The following KCNQ4 variants were observed in gnomAD, a reference collection of about 807,000 sequenced individuals.
The protein encoded by KCNQ4 is potassium voltage-gated channel subfamily KQT member 4.
In KCNQ4, 31 loss-of-function variants were observed where a neutral mutation model predicts 72.6. The observed-to-expected ratio is 0.43, with a 90% CI of 0.32 to 0.58. The LOEUF is 0.58. Ranked by LOEUF, KCNQ4 falls within the 20% of genes least tolerant of loss-of-function variation. The pLI is 0.08. For missense variants in KCNQ4, 869 were observed against 962.6 expected (o/e 0.90, Z 1.29); for synonymous variants, 405 against 403.7 (o/e 1.00, Z -0.04).
In KCNQ4 at chr1:40,834,622, A is replaced by T. The variant is rs183256499; in HGVS notation, c.1614-345A>T. On this transcript the variant is annotated intron_variant, in intron 11 of 13. Transcript: ENST00000347132. ...AAAAAAAAAAAAAACAGAGTTATTGATGTGCCTGCCCCACAATGTCCCATT... is the reference window on the plus strand; with the variant it reads ...AAAAAAAAAAAAAACAGAGTTATTGTTGTGCCTGCCCCACAATGTCCCATT... 2.2e-3 allele frequency among the ~76,000 whole-genome samples: 337 copies of T among 151,492 alleles called. 3 individuals are homozygous for T. Among genetic ancestry groups the T allele is most frequent in the Admixed American group, 0.019 (288 of 15,228 alleles).
Position 40,804,817 on chromosome 1 carries a change from C to G in KCNQ4, c.315-12448C>G, listed in dbSNP as rs556445622. 4.5e-5 allele frequency: 4 copies of G among 88,960 alleles called. No individual in the cohort carries two copies. In the South Asian group the frequency reaches 1.6e-3, roughly 36 times the overall value. 5.5% of individuals were successfully genotyped at this position (88,960 alleles called of 1,614,324 possible). A position where few individuals can be genotyped will look rare whatever the true frequency, so the allele number is the denominator to read the frequency against. On this transcript the variant is annotated intron_variant, in intron 1 of 13. Transcript: ENST00000347132. The stretch of plus-strand genomic sequence containing the variant: ...TGGGTAACAGAGTGAGACCCTGTCT[C>G]AAAAAAAAAAAAAAAAAAAAGTCAC...
intron 1 of KCNQ4, among the ~76,000 whole-genome samples, chr1:40,792,785 T>G (rs1647309583): frequency 2.0e-5 from 3 of 152,068 alleles, no homozygotes; most frequent in Admixed American, 1.3e-4. Flanking sequence ...CCCTATATGC[T>G]TTTTATCCTA....
chr1:40,815,346 C>G (rs913304590), intron 1 of KCNQ4, among the ~76,000 whole-genome samples: 1 of 151,964 alleles, frequency 6.6e-6, no homozygotes, highest in Non-Finnish European at 1.5e-5. Flanking sequence ...AGCTGAGAAA[C>G]GGGACTGGAG....
chr1:40,822,816 T>A (rs1648345650), intron 8 of KCNQ4, among the ~76,000 whole-genome samples: 1 of 152,194 alleles, frequency 6.6e-6, no homozygotes, highest in African/African-American at 2.4e-5. Context: ...GTTCCAGACT[T>A]AGGTGCATGC....
At chr1:40,820,928 A>T (rs1339085621) in intron 7 of KCNQ4, among the ~76,000 whole-genome samples, 1 of 151,606 alleles carries the variant, frequency 6.6e-6, no homozygotes, top group East Asian at 1.9e-4. Flanking sequence ...GTGTAAGGGA[A>T]CTCCTTGCAG....
At chr1:40,787,512 A>G (rs1256839297) in intron 1 of KCNQ4, among the ~76,000 whole-genome samples, 1 of 152,162 alleles carries the variant, frequency 6.6e-6, no homozygotes, top group Non-Finnish European at 1.5e-5. Flanking sequence ...TCTGGCTCCA[A>G]AAGGTGGGAG....
chr1:40,818,755 G>A (rs2148318628), intron 4 of KCNQ4, 75 bp downstream of exon 4: 3 of 1,495,756 alleles, frequency 2.0e-6, no homozygotes, highest in Non-Finnish European at 2.7e-6. Flanking sequence ...GGCGGAGAGG[G>A]CGAGGTCAGA....
At chr1:40,823,609 G>A (rs1455963561) in intron 8 of KCNQ4, among the ~76,000 whole-genome samples, 2 of 152,184 alleles carry the variant, frequency 1.3e-5, no homozygotes, top group African/African-American at 4.8e-5. Context: ...AAAATGGCCT[G>A]GAGAGTTAGG....
chr1:40,805,474 T>G (rs1182429022), intron 1 of KCNQ4, among the ~76,000 whole-genome samples: 1 of 152,126 alleles, frequency 6.6e-6, no homozygotes. Flanking sequence ...ACTCCTTTCC[T>G]GGTAGTTCTG....
chr1:40,807,855 G>A (rs1050824714), intron 1 of KCNQ4, among the ~76,000 whole-genome samples: 2 of 152,192 alleles, frequency 1.3e-5, no homozygotes, highest in African/African-American at 4.8e-5. Flanking sequence ...TGGTCTAGGG[G>A]GCAAGGAAAG....
intron 1 of KCNQ4, among the ~76,000 whole-genome samples, chr1:40,808,695 C>G (rs865987848): frequency 6.6e-6 from 1 of 152,200 alleles, no homozygotes; most frequent in Non-Finnish European, 1.5e-5. Context: ...ACACCAGCTC[C>G]TCCCTGGCTC....
intron 1 of KCNQ4, among the ~76,000 whole-genome samples, chr1:40,814,387 C>T (rs1390057781): frequency 6.6e-6 from 1 of 152,046 alleles, no homozygotes; most frequent in African/African-American, 2.4e-5. Flanking sequence ...TTGTTATTAC[C>T]GAAACAACCC....
intron 1 of KCNQ4, chr1:40,804,916 G>C (rs1248572532): frequency 2.6e-5 from 4 of 152,144 alleles, no homozygotes; most frequent in Non-Finnish European, 5.9e-5. Context: ...TTGAGCCCAG[G>C]AGTTCTGGGC....
chr1:40,785,323 C>G (rs1222819604), intron 1 of KCNQ4, among the ~76,000 whole-genome samples: 1 of 152,222 alleles, frequency 6.6e-6, no homozygotes, highest in Non-Finnish European at 1.5e-5. Context: ...AGAGGCCCCG[C>G]AGATATCAGT....
rs1310888729 is a variant in KCNQ4, at chr1:40,784,492, T to C, written c.314+85T>C. On this transcript the variant is annotated intron_variant, in intron 1 of 13. Transcript: ENST00000347132. The surrounding 1 kb of genome is among the most constrained non-coding windows in gnomAD (Gnocchi z 4.1). ...ACGGCCGCCCCGCCCTGGCTCCGCC[T>C]TCTACCCCCCTGCCTCAGGGCCGAC... 4 of 1,351,992 alleles carry C rather than the reference T, an allele frequency of 3.0e-6. No individual in the cohort carries two copies. In the African/African-American group the frequency reaches 5.8e-5, roughly 19 times the overall value. 83.7% of individuals were successfully genotyped at this position (1,351,992 alleles called of 1,614,324 possible).
intron 1 of KCNQ4, among the ~76,000 whole-genome samples, chr1:40,811,920 T>A (rs1647938608): frequency 6.6e-6 from 1 of 152,212 alleles, no homozygotes; most frequent in African/African-American, 2.4e-5. Context: ...GAAACTGAGG[T>A]CCCAGAGGGG....
At chr1:40,792,414 T>C (rs1647300690) in intron 1 of KCNQ4, among the ~76,000 whole-genome samples, 1 of 152,140 alleles carries the variant, frequency 6.6e-6, no homozygotes, top group African/African-American at 2.4e-5. Flanking sequence ...CCCCATCCTC[T>C]CTCCATATAT....
chr1:40,823,810 G>C (rs372587985), intron 8 of KCNQ4, among the ~76,000 whole-genome samples: 10 of 152,226 alleles, frequency 6.6e-5, no homozygotes, highest in Admixed American at 1.3e-4. Context: ...GGCACGGCAC[G>C]TTCAGGCAGT....
intron 1 of KCNQ4, among the ~76,000 whole-genome samples, chr1:40,799,174 T>C (rs1425105767): frequency 1.3e-5 from 2 of 152,130 alleles, no homozygotes; most frequent in African/African-American, 4.8e-5. Context: ...CTGCTTCTGC[T>C]CCCCACCCTC....
Sources: allele counts gnomAD v4.1 joint callset (sites outside exome capture counted in the v4.1 genomes callset), GRCh38; gene constraint gnomAD v4.1.1; non-coding constraint Gnocchi (gnomAD v3.1); transcripts MANE v1.5; gene names NCBI Gene and HGNC (gene_info 2026-07-23, HGNC 2026-07-21).